Variants in FCHSD2 observed in about 807,000 individuals in gnomAD.
The protein encoded by FCHSD2 is F-BAR and double SH3 domains protein 2.
Under a neutral mutation model 108.1 loss-of-function variants are expected in FCHSD2, and 38 were observed. That is an observed-to-expected ratio of 0.35 (90% confidence interval 0.27 to 0.46). FCHSD2 has a LOEUF of 0.46. Ranked by LOEUF, FCHSD2 falls within the 20% of genes least tolerant of loss-of-function variation. The pLI is 1.00. For synonymous variants in FCHSD2, 279 were observed against 314.7 expected, an observed-to-expected ratio of 0.89 and a Z score of 1.20; for missense variants, 751 against 897.8, an observed-to-expected ratio of 0.84 and a Z score of 2.09.
chr11:73,129,306 A>G lies in FCHSD2; in HGVS notation c.119+10725T>C, dbSNP rs547779801. Among the ~76,000 whole-genome samples the G allele has an allele frequency of 3.3e-5, 5 of 152,304 alleles. No individual in the cohort carries two copies. In the East Asian group the frequency reaches 9.6e-4, roughly 29 times the overall value. On this transcript the variant is annotated intron_variant, in intron 2 of 19. Transcript: ENST00000409418. The stretch of plus-strand genomic sequence containing the variant: ...GTCCCCAACCCCCAGGCCACGGACC[A>G]CTAACGGTCTGTGGCCTGTTAGGAA...
At position 72,940,590 on chromosome 11, in the gene FCHSD2, C is replaced by T. The variant is rs1856395901; in HGVS notation, c.706-18640G>A. On this transcript the variant is annotated intron_variant, in intron 8 of 19. Coordinates refer to ENST00000409418, the MANE Select transcript of FCHSD2 (RefSeq NM_014824.3). Reference sequence around the variant, plus strand: ...TGAGAGTCAGCTGCTGGCAGTACTGCCAGCTCTCTGCTCTCCACAGGGCTC... The same window carrying T: ...TGAGAGTCAGCTGCTGGCAGTACTGTCAGCTCTCTGCTCTCCACAGGGCTC... The T allele has an allele frequency of 2.8e-6, 4 of 1,422,788 alleles. No individual in the cohort carries two copies. In the African/African-American group the frequency reaches 4.2e-5, roughly 15 times the overall value. The allele number at this position is 1,422,788 out of a possible 1,614,324, so 88.1% of individuals were successfully genotyped here.
chr11:72,951,885 C>T (rs1386554896), intron 8 of FCHSD2, among the ~76,000 whole-genome samples: 1 of 152,220 alleles, frequency 6.6e-6, no homozygotes, highest in East Asian at 1.9e-4. Context: ...AAAGTCCTTA[C>T]TCCCATAAAA....
intron 2 of FCHSD2, among the ~76,000 whole-genome samples, chr11:73,133,583 T>C (rs900375454): frequency 1.3e-5 from 2 of 151,756 alleles, no homozygotes; most frequent in Admixed American, 6.6e-5. Flanking sequence ...CCAAACCCCA[T>C]CTCTACTAAA....
intron 3 of FCHSD2, among the ~76,000 whole-genome samples, chr11:73,026,421 C>A (rs992884038): frequency 6.6e-6 from 1 of 152,158 alleles, no homozygotes. Context: ...ATTTGTTCCA[C>A]TATAGTGACC....
At chr11:73,086,203 G>A in intron 2 of FCHSD2, among the ~76,000 whole-genome samples, 1 of 152,146 alleles carries the variant, frequency 6.6e-6, no homozygotes, top group Non-Finnish European at 1.5e-5. Flanking sequence ...GAGGCCAGGA[G>A]TTTAAGACAG....
At chr11:73,103,735 G>A (rs1200882842) in intron 2 of FCHSD2, among the ~76,000 whole-genome samples, 1 of 152,120 alleles carries the variant, frequency 6.6e-6, no homozygotes, top group African/African-American at 2.4e-5. Flanking sequence ...AAAAAGAAAA[G>A]AGGATTATCA....
chr11:73,051,414 T>C (rs1236768761), intron 3 of FCHSD2, among the ~76,000 whole-genome samples: 1 of 152,352 alleles, frequency 6.6e-6, no homozygotes, highest in African/African-American at 2.4e-5. Context: ...CTATAATTTA[T>C]AATTTAATAT....
chr11:72,916,873 A>C (rs1293892051), intron 9 of FCHSD2, among the ~76,000 whole-genome samples: 1 of 152,126 alleles, frequency 6.6e-6, no homozygotes, highest in Admixed American at 6.6e-5. Flanking sequence ...CAAGGTCATA[A>C]AGATCTATCT....
At chr11:72,843,038 T>C (rs1337284372) in intron 16 of FCHSD2, 113 bp downstream of exon 16, 2 of 1,062,082 alleles carry the variant, frequency 1.9e-6, no homozygotes, top group East Asian at 2.6e-5. Context: ...AAGAAAAGCA[T>C]ATTATAGGAC....
At chr11:72,940,910 T>C in intron 8 of FCHSD2, 1 of 852,842 alleles carries the variant, frequency 1.2e-6, no homozygotes. Context: ...ATTGATCCAT[T>C]CCATAAAGCT....
chr11:72,847,688 AC>A (rs1396224853), intron 14 of FCHSD2, among the ~76,000 whole-genome samples: 1 of 145,708 alleles, frequency 6.9e-6, no homozygotes, highest in Admixed American at 6.9e-5. Flanking sequence ...TTTGACTCTA[AC>A]CTTTTTTTTT....
At chr11:73,032,445 C>T (rs1476660978) in intron 3 of FCHSD2, among the ~76,000 whole-genome samples, 1 of 152,072 alleles carries the variant, frequency 6.6e-6, no homozygotes, top group Admixed American at 6.5e-5. Context: ...AGGTTGGTCT[C>T]AAACTCCTGG....
chr11:73,028,760 G>A (rs1229461883), intron 3 of FCHSD2, among the ~76,000 whole-genome samples: 1 of 152,166 alleles, frequency 6.6e-6, no homozygotes, highest in Non-Finnish European at 1.5e-5. Context: ...GATCATGAGG[G>A]CAGATTTTCC....
chr11:73,128,813 T>C (rs559287439), intron 2 of FCHSD2, among the ~76,000 whole-genome samples: 1 of 152,222 alleles, frequency 6.6e-6, no homozygotes, highest in Non-Finnish European at 1.5e-5. Context: ...TTGAGATTAA[T>C]TTCACGTTTC....
At chr11:72,850,243 T>G (rs923141256) in intron 13 of FCHSD2, among the ~76,000 whole-genome samples, 4 of 151,998 alleles carry the variant, frequency 2.6e-5, no homozygotes, top group Non-Finnish European at 5.9e-5. Flanking sequence ...TTTTGTATTT[T>G]TAGTAGAGAT....
intron 3 of FCHSD2, among the ~76,000 whole-genome samples, chr11:73,060,830 G>A (rs1053216233): frequency 3.2e-4 from 48 of 151,992 alleles, no homozygotes; most frequent in African/African-American, 1.1e-3. Flanking sequence ...GCAAAGTAAA[G>A]GAAACTAAAA....
intron 3 of FCHSD2, among the ~76,000 whole-genome samples, chr11:73,041,015 A>G (rs760048233): frequency 2.0e-5 from 3 of 152,220 alleles, no homozygotes; most frequent in Non-Finnish European, 4.4e-5. Flanking sequence ...TTCGCTTAAC[A>G]TAATGACCTC....
chr11:73,042,420 T>C (rs530853904), intron 3 of FCHSD2, among the ~76,000 whole-genome samples: 1 of 152,330 alleles, frequency 6.6e-6, no homozygotes, highest in East Asian at 1.9e-4. Flanking sequence ...GTTCTATGTG[T>C]CTGTATTTAT....
intron 13 of FCHSD2, 44 bp from the exon 14 acceptor site, chr11:72,849,933 A>G: frequency 6.5e-7 from 1 of 1,540,022 alleles, no homozygotes. Flanking sequence ...TTACTTCAAG[A>G]AAATGGTTGA....
Sources: allele counts gnomAD v4.1 joint callset (sites outside exome capture counted in the v4.1 genomes callset), GRCh38; gene constraint gnomAD v4.1.1; transcripts MANE v1.5; gene names NCBI Gene and HGNC (gene_info 2026-07-23, HGNC 2026-07-21).